The following DYM variants were observed in gnomAD, a reference collection of about 807,000 sequenced individuals.
DYM encodes the protein dymeclin.
A neutral mutation model predicts 93.1 loss-of-function variants in DYM; 78 were observed. The ratio of observed to expected loss-of-function variants is 0.84; its 90% CI spans 0.70 to 1.01. The LOEUF (loss-of-function observed/expected upper bound fraction) is 1.01. Among genes scored for constraint, DYM ranks in the 50% least tolerant of loss-of-function variants. The probability of loss-of-function intolerance (pLI) is 0.00; values close to 1 mark genes in which losing one functional copy is unlikely to be tolerated. For synonymous variants in DYM, 321 were observed against 319.7 expected, an observed-to-expected ratio of 1.00 and a Z score of -0.04; for missense variants, 789 against 845.0, an observed-to-expected ratio of 0.93 and a Z score of 0.82.
chr18:49,123,960 T>C lies in DYM; in HGVS notation c.1729-5034A>G, dbSNP rs543006842. On this transcript the variant is annotated intron_variant, in intron 15 of 17. Coordinates refer to ENST00000675505, the MANE Select transcript of DYM (RefSeq NM_001353214.3). ...AGCTTTCTGTAGAATTTTATGTTCA[T>C]GTATATTTTATACACTCACTTATGC... Among the ~76,000 whole-genome samples the C allele has an allele frequency of 7.2e-4, 109 of 152,368 alleles. No homozygotes were observed. The South Asian group carries it at 0.016, about 22-fold the overall frequency.
At chr18:49,397,075 G>T (rs2070189573) in intron 2 of DYM, among the ~76,000 whole-genome samples, 1 of 152,148 alleles carries the variant, frequency 6.6e-6, no homozygotes. Flanking sequence ...TCACCACAAA[G>T]AAATAACAAG....
intron 3 of DYM, among the ~76,000 whole-genome samples, chr18:49,384,288 C>T (rs1043740900): frequency 5.1e-5 from 7 of 138,596 alleles, no homozygotes; most frequent in Admixed American, 7.9e-5. Flanking sequence ...CACCACTGCA[C>T]TCCAGCATGA....
At chr18:49,421,324 A>G (rs2073682866) in intron 2 of DYM, among the ~76,000 whole-genome samples, 1 of 152,172 alleles carries the variant, frequency 6.6e-6, no homozygotes, top group Admixed American at 6.5e-5. Context: ...TCAGGCAGCA[A>G]CATTTGCTGT....
intron 16 of DYM, among the ~76,000 whole-genome samples, chr18:49,113,320 T>C (rs2081602286): frequency 6.6e-6 from 1 of 152,198 alleles, no homozygotes; most frequent in South Asian, 2.1e-4. Flanking sequence ...AACCAGACAA[T>C]TTATTTTATG....
chr18:49,353,188 C>A (rs2065259090), intron 6 of DYM, among the ~76,000 whole-genome samples: 1 of 152,046 alleles, frequency 6.6e-6, no homozygotes, highest in Non-Finnish European at 1.5e-5. Flanking sequence ...TAACTTAGCT[C>A]CAATCATGTT....
intron 6 of DYM, among the ~76,000 whole-genome samples, chr18:49,361,824 C>A (rs1212736558): frequency 6.6e-6 from 1 of 152,018 alleles, no homozygotes. Context: ...GACCTTGGTC[C>A]AAACGATTCT....
intron 2 of DYM, among the ~76,000 whole-genome samples, chr18:49,393,991 G>C (rs2069721242): frequency 6.6e-6 from 1 of 152,086 alleles, no homozygotes; most frequent in African/African-American, 2.4e-5. Context: ...TGGGAGAATA[G>C]GGAACTAGTG....
At chr18:49,362,486 C>T (rs2066118354) in intron 6 of DYM, among the ~76,000 whole-genome samples, 2 of 152,098 alleles carry the variant, frequency 1.3e-5, no homozygotes, top group South Asian at 4.1e-4. Context: ...AAAGGTGGTA[C>T]TGGTAGTTGT....
chr18:49,092,628 G>A (rs1035696147), intron 17 of DYM, among the ~76,000 whole-genome samples: 1 of 152,166 alleles, frequency 6.6e-6, no homozygotes, highest in African/African-American at 2.4e-5. Flanking sequence ...ATAACGAGCT[G>A]CAGTAGGAAG....
intron 8 of DYM, among the ~76,000 whole-genome samples, chr18:49,289,727 GTATATA>G (rs386387632): frequency 0.022 from 1,843 of 84,944 alleles, 93 homozygotes; most frequent in East Asian, 0.092. Context: ...ATATATATGT[GTATATA>G]TATATATATA....
intron 17 of DYM, among the ~76,000 whole-genome samples, chr18:49,052,043 G>T (rs1254849540): frequency 2.0e-5 from 3 of 152,200 alleles, no homozygotes; most frequent in African/African-American, 7.2e-5. Context: ...GCACCTAAAA[G>T]ATTCAGAAAG....
intron 16 of DYM, among the ~76,000 whole-genome samples, chr18:49,112,027 G>GT (rs1228519959): frequency 6.6e-6 from 1 of 151,928 alleles, no homozygotes; most frequent in East Asian, 1.9e-4. Flanking sequence ...GAAGTAGAGA[G>GT]TTTTTTTGTT....
chr18:49,217,231 C>A (rs1256301590), intron 13 of DYM, among the ~76,000 whole-genome samples: 2 of 152,142 alleles, frequency 1.3e-5, no homozygotes, highest in African/African-American at 4.8e-5. Context: ...ACGAACAAAG[C>A]CTTCAAGAAA....
At chr18:49,149,869 G>A (rs1020166659) in intron 15 of DYM, among the ~76,000 whole-genome samples, 3 of 151,936 alleles carry the variant, frequency 2.0e-5, no homozygotes, top group Admixed American at 1.3e-4. Context: ...ACCATGCCTA[G>A]CTAATTTTTG....
intron 13 of DYM, among the ~76,000 whole-genome samples, chr18:49,237,280 T>C (rs1454698898): frequency 1.3e-5 from 2 of 152,214 alleles, no homozygotes; most frequent in Non-Finnish European, 2.9e-5. Flanking sequence ...TGTCTAGACA[T>C]GCATTTATAT....
At chr18:49,305,061 A>G (rs1599284646) in intron 8 of DYM, among the ~76,000 whole-genome samples, 1 of 152,076 alleles carries the variant, frequency 6.6e-6, no homozygotes, top group Non-Finnish European at 1.5e-5. Flanking sequence ...ATAGTTTTTG[A>G]CCCGCTCTGT....
intron 1 of DYM, among the ~76,000 whole-genome samples, chr18:49,457,599 G>A (rs2148758009): frequency 1.3e-5 from 2 of 152,302 alleles, no homozygotes; most frequent in Admixed American, 1.3e-4. Context: ...TGCATGTACA[G>A]CAGCAAAAGA....
chr18:49,147,480 G>T (rs1467171610), intron 15 of DYM, among the ~76,000 whole-genome samples: 1 of 152,060 alleles, frequency 6.6e-6, no homozygotes, highest in Non-Finnish European at 1.5e-5. Flanking sequence ...AATCTACAAA[G>T]AACTCAAACA....
At chr18:49,149,793 A>G (rs527610062) in intron 15 of DYM, among the ~76,000 whole-genome samples, 3 of 127,026 alleles carry the variant, frequency 2.4e-5, no homozygotes, top group Non-Finnish European at 4.7e-5. Context: ...TGCAACCTCC[A>G]CCTCCTGGGT....
Sources: allele counts gnomAD v4.1 joint callset (sites outside exome capture counted in the v4.1 genomes callset), GRCh38; gene constraint gnomAD v4.1.1; transcripts MANE v1.5; gene names NCBI Gene and HGNC (gene_info 2026-07-23, HGNC 2026-07-21).